GRM7: variants seen among roughly 807,000 people sequenced by gnomAD.
GRM7 encodes the protein glutamate metabotropic receptor 7.
GRM7 carries 35 observed loss-of-function variants against 84.5 expected under a neutral mutation model. That is an observed-to-expected ratio of 0.41 (90% CI 0.32 to 0.55). The LOEUF is 0.55. Among genes scored for constraint, GRM7 ranks in the 20% least tolerant of loss-of-function variants. GRM7 has a pLI of 0.19. For missense variants in GRM7, 1,003 were observed against 1,194.6 expected (o/e 0.84, Z 2.36); for synonymous variants, 487 against 455.1 (o/e 1.07, Z -0.89).
intron 2 of GRM7, among the ~76,000 whole-genome samples, chr3:7,192,192 A>C (rs1413700281): frequency 6.6e-6 from 1 of 152,120 alleles, no homozygotes; most frequent in Non-Finnish European, 1.5e-5. Context: ...AGTTGAGAAG[A>C]CCTGGTAAGG....
chr3:7,407,535 A>C (rs1049126127), intron 4 of GRM7, among the ~76,000 whole-genome samples: 2 of 152,208 alleles, frequency 1.3e-5, no homozygotes, highest in Non-Finnish European at 2.9e-5. Context: ...AACCATTTTA[A>C]AATGTTGGTT....
chr3:7,093,079 C>T (rs887676739), intron 1 of GRM7, among the ~76,000 whole-genome samples: 7 of 152,028 alleles, frequency 4.6e-5, no homozygotes, highest in Non-Finnish European at 7.4e-5. Context: ...AACACCAACA[C>T]CAACAACAGC....
rs541938714 is a variant in GRM7 at position 7,315,866 on chromosome 3, G to A, written c.1033+9214G>A. Among the ~76,000 whole-genome samples the A allele has an allele frequency of 3.9e-5, 6 of 152,214 alleles. No homozygotes were observed. In the East Asian group the frequency reaches 1.2e-3, roughly 29 times the overall value. On this transcript the variant is annotated intron_variant, in intron 4 of 9. Transcript: ENST00000357716. Reference sequence around the variant, plus strand: ...TTGCTTTTCAATATTTCTGTGGAGGGACAGGAGCTTGGAGCTGCCTACTCT... The same window carrying A: ...TTGCTTTTCAATATTTCTGTGGAGGAACAGGAGCTTGGAGCTGCCTACTCT...
chr3:7,645,280 G>A (rs1698569064), intron 8 of GRM7, among the ~76,000 whole-genome samples: 1 of 152,078 alleles, frequency 6.6e-6, no homozygotes, highest in Admixed American at 6.5e-5. Context: ...TGGGCACAGT[G>A]GCTCACGCCT....
intron 4 of GRM7, among the ~76,000 whole-genome samples, chr3:7,369,076 A>G (rs576736924): frequency 2.4e-4 from 37 of 152,088 alleles, no homozygotes; most frequent in Middle Eastern, 6.8e-3. Flanking sequence ...ATCTTTTTTA[A>G]GAGGCAGGGT....
intron 1 of GRM7, among the ~76,000 whole-genome samples, chr3:7,060,671 C>T (rs1697407015): frequency 6.6e-6 from 1 of 151,748 alleles, no homozygotes; most frequent in Non-Finnish European, 1.5e-5. Context: ...CAACATTATG[C>T]TGACTCAAAT....
chr3:7,424,302 A>G, intron 5 of GRM7, among the ~76,000 whole-genome samples: 1 of 152,244 alleles, frequency 6.6e-6, no homozygotes, highest in East Asian at 1.9e-4. Context: ...AAAACCAAAA[A>G]AAAAAGGAAA....
intron 2 of GRM7, among the ~76,000 whole-genome samples, chr3:7,169,010 A>G (rs940854233): frequency 2.6e-5 from 4 of 152,210 alleles, no homozygotes; most frequent in Non-Finnish European, 4.4e-5. Context: ...GTATGTATGC[A>G]TTTAGAAACT....
At chr3:7,303,630 T>G (rs1053432405) in intron 3 of GRM7, among the ~76,000 whole-genome samples, 2 of 152,084 alleles carry the variant, frequency 1.3e-5, no homozygotes, top group Non-Finnish European at 1.5e-5. Flanking sequence ...TTGTTGTTTT[T>G]TGGAGTTAAT....
At chr3:6,942,254 A>T (rs2125058063) in intron 1 of GRM7, among the ~76,000 whole-genome samples, 1 of 152,282 alleles carries the variant, frequency 6.6e-6, no homozygotes, top group African/African-American at 2.4e-5. Flanking sequence ...GAGGATTAAA[A>T]GATATAATAT....
At chr3:7,717,889 G>A (rs1253711617) in intron 9 of GRM7, among the ~76,000 whole-genome samples, 1 of 152,210 alleles carries the variant, frequency 6.6e-6, no homozygotes, top group Non-Finnish European at 1.5e-5. Flanking sequence ...TGGCATCAGA[G>A]GTATGGTAGT....
chr3:7,584,416 C>T (rs895008332), intron 8 of GRM7, among the ~76,000 whole-genome samples: 2 of 152,138 alleles, frequency 1.3e-5, no homozygotes, highest in Non-Finnish European at 2.9e-5. Flanking sequence ...ATGGTCTTTC[C>T]TTTAATGCAA....
At chr3:6,893,432 C>T (rs1413856881) in intron 1 of GRM7, among the ~76,000 whole-genome samples, 2 of 152,146 alleles carry the variant, frequency 1.3e-5, no homozygotes, top group East Asian at 1.9e-4. Context: ...AAACTCATAA[C>T]GTGAATCCTA....
intron 1 of GRM7, among the ~76,000 whole-genome samples, chr3:7,107,897 T>A (rs1692708985): frequency 6.6e-6 from 1 of 152,034 alleles, no homozygotes; most frequent in Non-Finnish European, 1.5e-5. Flanking sequence ...AGAGCCAATT[T>A]CAGAGAACTG....
At chr3:7,723,019 A>AG (rs1295128301) in intron 9 of GRM7, among the ~76,000 whole-genome samples, 3 of 152,286 alleles carry the variant, frequency 2.0e-5, no homozygotes, top group African/African-American at 7.2e-5. Context: ...TCAGAAAAGT[A>AG]GAAAGAACAG....
At chr3:7,351,260 C>T (rs1693127212) in intron 4 of GRM7, among the ~76,000 whole-genome samples, 1 of 140,724 alleles carries the variant, frequency 7.1e-6, no homozygotes, top group Admixed American at 7.8e-5. Flanking sequence ...ACAAACATAG[C>T]AGGGGCTACA....
intron 2 of GRM7, among the ~76,000 whole-genome samples, chr3:7,177,428 G>A (rs1047305592): frequency 3.3e-5 from 5 of 151,520 alleles, no homozygotes; most frequent in African/African-American, 9.7e-5. Flanking sequence ...GCTTAATGAC[G>A]AAAGAGCAGT....
chr3:6,927,653 T>C (rs1335257623), intron 1 of GRM7, among the ~76,000 whole-genome samples: 1 of 152,196 alleles, frequency 6.6e-6, no homozygotes, highest in Non-Finnish European at 1.5e-5. Context: ...GCATTTATGT[T>C]CATATGCATA....
At position 7,711,359 on chromosome 3, in the gene GRM7, C is replaced by G. The variant is rs567367518; in HGVS notation, c.2699-28998C>G. Reference sequence around the variant, plus strand: ...ATTCACGTACAGCAAGTTCAAAGGCCCTGAGGCAGGTACAGATTTAGTGGG... The same window carrying G: ...ATTCACGTACAGCAAGTTCAAAGGCGCTGAGGCAGGTACAGATTTAGTGGG... On this transcript the variant is annotated intron_variant, in intron 9 of 9. Transcript: ENST00000357716. 2.6e-5 allele frequency among the ~76,000 whole-genome samples: 4 copies of G among 152,114 alleles called. No individual in the cohort carries two copies. In the South Asian group the frequency reaches 8.3e-4, roughly 32 times the overall value.
Sources: allele counts gnomAD v4.1 joint callset (sites outside exome capture counted in the v4.1 genomes callset), GRCh38; gene constraint gnomAD v4.1.1; transcripts MANE v1.5; gene names NCBI Gene and HGNC (gene_info 2026-07-23, HGNC 2026-07-21).